CHSY3: variants seen among roughly 807,000 people sequenced by gnomAD.
CHSY3 encodes the protein N-acetylgalactosaminyl-proteoglycan 3-beta-glucuronosyltransferase 3.
A neutral mutation model predicts 67.2 loss-of-function variants in CHSY3; 35 were observed. The observed-to-expected ratio is 0.52, with a 90% CI of 0.40 to 0.69. The LOEUF (loss-of-function observed/expected upper bound fraction) is 0.69, where lower values mean the gene tolerates loss of function less well. CHSY3 is among the 30% of genes least tolerant of loss of function. The pLI is 0.00. For missense variants in CHSY3, 1,069 were observed against 1,138.5 expected (o/e 0.94, Z 0.88); for synonymous variants, 474 against 434.7 (o/e 1.09, Z -1.12).
chr5:130,064,371 T>C (rs1765814745), intron 2 of CHSY3, among the ~76,000 whole-genome samples: 1 of 152,144 alleles, frequency 6.6e-6, no homozygotes, highest in Non-Finnish European at 1.5e-5. Flanking sequence ...TTAAGGAGTT[T>C]TTACACAATT....
chr5:130,002,118 C>G (rs1763743804), intron 2 of CHSY3: 1 of 945,322 alleles, frequency 1.1e-6, no homozygotes, highest in Non-Finnish European at 1.3e-6. Context: ...TCTTCTGTGT[C>G]TCTGTGTGTT....
Position 130,073,169 on chromosome 5 carries a change from AT to A in CHSY3, c.1087-111059del, listed in dbSNP as rs532516801. Among the ~76,000 whole-genome samples the A allele has an allele frequency of 2.0e-4, 30 of 152,324 alleles. No individual in the cohort carries two copies. In the East Asian group the frequency reaches 4.8e-3, roughly 24 times the overall value. ...ATTTTAATGTACTCATGCAAAAAAA[AT>A]AAGTTGATTGGATGATGTATATGTT... On this transcript the variant is annotated intron_variant, in intron 2 of 2. Coordinates refer to ENST00000305031, the MANE Select transcript of CHSY3 (RefSeq NM_175856.5).
chr5:130,157,433 C>A (rs55678213), intron 2 of CHSY3, among the ~76,000 whole-genome samples: 6 of 152,314 alleles, frequency 3.9e-5, no homozygotes, highest in African/African-American at 1.4e-4. Flanking sequence ...CTAAGTGACC[C>A]AAGCTATCTA....
chr5:130,019,099 A>G (rs185400727), intron 2 of CHSY3, among the ~76,000 whole-genome samples: 23 of 152,192 alleles, frequency 1.5e-4, no homozygotes, highest in Non-Finnish European at 3.4e-4. Context: ...AGTCTCAGGT[A>G]TTTCTTTATA....
intron 2 of CHSY3, among the ~76,000 whole-genome samples, chr5:130,167,234 A>C (rs1041902319): frequency 1.3e-5 from 2 of 152,126 alleles, no homozygotes; most frequent in Non-Finnish European, 2.9e-5. Flanking sequence ...AAGTACTGGA[A>C]GACATTAGAG....
intron 2 of CHSY3, among the ~76,000 whole-genome samples, chr5:130,000,911 CAG>C (rs1763709724): frequency 7.3e-6 from 1 of 137,512 alleles, no homozygotes; most frequent in African/African-American, 2.7e-5. Flanking sequence ...TTCTCCAAGA[CAG>C]AGTCTCGCTC....
chr5:129,908,288 G>C lies in CHSY3; in HGVS notation c.1014G>C (p.Thr338=). 1 of 1,614,112 alleles carries C rather than the reference G, an allele frequency of 6.2e-7. No individual in the cohort carries two copies. The highest frequency in any genetic ancestry group is 8.5e-7 in the Non-Finnish European group (1 of 1,179,996). ...HIGECLREMY[T]THEDVEVGRC... Reference sequence around the variant, plus strand: ...GTGAATGCCTTAGAGAAATGTACACGACTCATGAGGATGTGGAAGTAGGAA... The same window carrying C: ...GTGAATGCCTTAGAGAAATGTACACCACTCATGAGGATGTGGAAGTAGGAA... The change falls in exon 2 of 3, where the codon ACG becomes ACC. Residue 338 remains threonine (T), a synonymous_variant. Transcript: ENST00000305031.
intron 2 of CHSY3, among the ~76,000 whole-genome samples, chr5:130,017,414 T>G (rs1764246748): frequency 6.6e-6 from 1 of 151,946 alleles, no homozygotes; most frequent in African/African-American, 2.4e-5. Context: ...CTCCAGTAGG[T>G]TTTTAACAGT....
At chr5:130,038,193 G>A (rs1009192485) in intron 2 of CHSY3, among the ~76,000 whole-genome samples, 1 of 152,074 alleles carries the variant, frequency 6.6e-6, no homozygotes, top group South Asian at 2.1e-4. Flanking sequence ...GAAAAGGGCA[G>A]AATATTAATA....
At chr5:129,970,470 A>T (rs1762610257) in intron 2 of CHSY3, among the ~76,000 whole-genome samples, 1 of 151,762 alleles carries the variant, frequency 6.6e-6, no homozygotes, top group Non-Finnish European at 1.5e-5. Flanking sequence ...AGTGCTTTTG[A>T]GTTGAAAATG....
chr5:130,016,765 A>G (rs573811045), intron 2 of CHSY3, among the ~76,000 whole-genome samples: 1 of 152,320 alleles, frequency 6.6e-6, no homozygotes, highest in South Asian at 2.1e-4. Context: ...TGAAGTATAG[A>G]GATCATATTA....
chr5:130,137,030 C>A (rs1305237727), intron 2 of CHSY3, among the ~76,000 whole-genome samples: 2 of 152,122 alleles, frequency 1.3e-5, no homozygotes, highest in East Asian at 3.8e-4. Context: ...TGTTTCCTAC[C>A]TTTGTTCTTT....
rs572063831 is a variant in CHSY3, at chr5:130,045,619, T to A, written c.1086+137259T>A. On this transcript the variant is annotated intron_variant, in intron 2 of 2. Coordinates refer to ENST00000305031, the MANE Select transcript of CHSY3 (RefSeq NM_175856.5). ...TTCTGTCTGTGTGCCTGAAAAGTTA[T>A]CTGATGTAGATTTGGTGCTCTCTAT... 2.2e-4 allele frequency among the ~76,000 whole-genome samples: 33 copies of A among 152,204 alleles called. No individual in the cohort carries two copies. The East Asian group carries it at 5.2e-3, about 24-fold the overall frequency.
intron 2 of CHSY3, among the ~76,000 whole-genome samples, chr5:130,002,533 A>G (rs955110516): frequency 6.6e-6 from 1 of 152,124 alleles, no homozygotes; most frequent in Admixed American, 6.5e-5. Context: ...CATCCTGGCT[A>G]GCTTATTGTC....
chr5:130,080,489 A>G (rs777002543), intron 2 of CHSY3, among the ~76,000 whole-genome samples: 5 of 152,142 alleles, frequency 3.3e-5, no homozygotes, highest in Non-Finnish European at 5.9e-5. Flanking sequence ...TTTGTTCATA[A>G]TTTGTTGGCT....
At chr5:130,127,484 T>A (rs1157888486) in intron 2 of CHSY3, among the ~76,000 whole-genome samples, 1 of 152,182 alleles carries the variant, frequency 6.6e-6, no homozygotes, top group East Asian at 1.9e-4. Context: ...TTGTTTCTGC[T>A]AAACCCTAAT....
At chr5:129,972,427 T>A (rs1015995755) in intron 2 of CHSY3, among the ~76,000 whole-genome samples, 1 of 152,094 alleles carries the variant, frequency 6.6e-6, no homozygotes, top group African/African-American at 2.4e-5. Flanking sequence ...CTCAGTCACA[T>A]ATAGATATAT....
intron 2 of CHSY3, among the ~76,000 whole-genome samples, chr5:130,036,190 G>C (rs1936612387): frequency 6.6e-6 from 1 of 152,042 alleles, no homozygotes; most frequent in African/African-American, 2.4e-5. Flanking sequence ...TAAAGAATTA[G>C]TTAAGTAATG....
At chr5:130,086,232 T>G (rs1044400086) in intron 2 of CHSY3, among the ~76,000 whole-genome samples, 33 of 152,190 alleles carry the variant, frequency 2.2e-4, no homozygotes, top group African/African-American at 7.9e-4. Flanking sequence ...CCATTATTAT[T>G]GTGTGGGAGT....
Sources: gnomAD v4.1 joint callset for allele counts (sites outside exome capture counted in the v4.1 genomes callset) on GRCh38, gnomAD v4.1.1 for gene constraint, MANE v1.5 for transcripts, NCBI Gene and HGNC (gene_info 2026-07-23, HGNC 2026-07-21) for gene names.